Variants in RPP30 observed in about 807,000 individuals in gnomAD.
RPP30 encodes ribonuclease P/MRP subunit p30.
In RPP30, 36 loss-of-function variants were observed where a neutral mutation model predicts 38.6. That is an observed-to-expected ratio of 0.93 (90% CI 0.71 to 1.23). The LOEUF (loss-of-function observed/expected upper bound fraction) is 1.23, where lower values mean the gene tolerates loss of function less well. Ranked by LOEUF, RPP30 falls within the 50% of genes most tolerant of loss-of-function variation. The pLI is 0.00. For synonymous variants in RPP30, 126 were observed against 112.7 expected (o/e 1.12, Z -0.75); for missense variants, 321 against 321.7 (o/e 1.00, Z 0.02).
intron 6 of RPP30, among the ~76,000 whole-genome samples, chr10:90,888,658 GT>G (rs1337671732): frequency 8.5e-5 from 13 of 152,280 alleles, no homozygotes; most frequent in Non-Finnish European, 1.6e-4. Context: ...AAGTGGGGCA[GT>G]GGGGCAACAT....
chr10:90,875,520 G>A (rs1277842461), intron 2 of RPP30, 38 bp from the exon 3 acceptor site: 2 of 1,550,678 alleles, frequency 1.3e-6, no homozygotes, highest in Non-Finnish European at 1.8e-6. Context: ...TGCTATTAAT[G>A]GATACAATCT....
At chr10:90,903,949 C>T (rs1340604336), downstream of RPP30, among the ~76,000 whole-genome samples, 1 of 152,150 alleles carries the variant, frequency 6.6e-6, no homozygotes, top group Non-Finnish European at 1.5e-5. Context: ...TTGAATAAGA[C>T]AAATTGTAAA....
Position 90,873,275 on chromosome 10 carries a change from CCAG to C in RPP30, c.82+1208_82+1210del, listed in dbSNP as rs1293115133. Among the ~76,000 whole-genome samples the C allele has an allele frequency of 2.6e-5, 4 of 152,216 alleles. No homozygotes were observed. In the East Asian group the frequency reaches 7.7e-4, roughly 29 times the overall value. ...TAATGATTTCTTTAGAGAATTTCCC[CCAG>C]TTTAAAATACACTTGGAAGAGGTGT... On this transcript the variant is annotated intron_variant, in intron 1 of 10. Transcript: ENST00000371703.
intron 1 of RPP30, among the ~76,000 whole-genome samples, chr10:90,872,311 C>T (rs987154701): frequency 6.6e-6 from 1 of 152,128 alleles, no homozygotes; most frequent in Non-Finnish European, 1.5e-5. Context: ...CTAACGAGGG[C>T]GAGGGATTTG....
Position 90,874,891 on chromosome 10 carries a change from C to T in RPP30, c.105C>T (p.Ile35=), listed in dbSNP as rs748922039. Reference sequence around the variant, plus strand: ...CAGTTGGCTATTCAGTTGTTGCTATCAATCATATCGTTGACTTTAAGGAAA... The same window carrying T: ...CAGTTGGCTATTCAGTTGTTGCTATTAATCATATCGTTGACTTTAAGGAAA... ...AAHLGYSVVA[I]NHIVDFKEKK... is the part of the protein sequence containing the mutation. The change falls in exon 2 of 11, where the codon ATC becomes ATT. Residue 35 remains isoleucine (I), a synonymous_variant. Transcript: ENST00000371703. 6.3e-7 allele frequency: 1 copy of T among 1,596,210 alleles called. No homozygotes were observed. The highest frequency in any genetic ancestry group is 8.6e-7 in the Non-Finnish European group (1 of 1,168,798).
In RPP30 at chr10:90,901,702, A is replaced by G. The variant is rs1278509309; in HGVS notation, c.*1023A>G. The G allele has an allele frequency of 2.0e-6, 2 of 984,038 alleles. No homozygotes were observed. Among genetic ancestry groups the G allele is most frequent in the African/African-American group, 3.5e-5 (2 of 57,220 alleles). The allele number at this position is 984,038 out of a possible 1,614,324, so 61.0% of individuals were successfully genotyped here. A position where few individuals can be genotyped will look rare whatever the true frequency, so the allele number is the denominator to read the frequency against. ...AGTAGCTTTTTATGCAAATACATGC[A>G]TTTATGCAATATTAATGTAAGGGCT... On this transcript the variant is annotated 3_prime_UTR_variant, in exon 11 of 11. Coordinates refer to ENST00000371703, the MANE Select transcript of RPP30 (RefSeq NM_006413.5).
chr10:90,872,170 CAG>C (rs1156975719), intron 1 of RPP30, 102 bp downstream of exon 1: 5 of 1,009,722 alleles, frequency 5.0e-6, no homozygotes, highest in Non-Finnish European at 7.9e-6. Flanking sequence ...TCAGGTCTCC[CAG>C]AGTCTCTGGG....
rs1014763130 is a variant in RPP30 at position 90,874,772 on chromosome 10, GTCC to G, written c.83-92_83-90del. On this transcript the variant is annotated intron_variant, in intron 1 of 10. Coordinates refer to ENST00000371703, the MANE Select transcript of RPP30 (RefSeq NM_006413.5). ...TCACATTCATAACCACTCCTCAAAT[GTCC>G]TCCTACTCTTGACATCTAGACTCAG... 4.6e-5 allele frequency: 32 copies of G among 700,652 alleles called. No individual in the cohort carries two copies. In the African/African-American group the frequency reaches 4.9e-4, roughly 11 times the overall value. The allele number at this position is 700,652 out of a possible 1,614,324, so 43.4% of individuals were successfully genotyped here.
intron 4 of RPP30, among the ~76,000 whole-genome samples, chr10:90,878,022 G>T (rs1277168597): frequency 6.6e-6 from 1 of 152,212 alleles, no homozygotes; most frequent in Non-Finnish European, 1.5e-5. Flanking sequence ...TTACACACCT[G>T]CAAGGCAGCA....
intron 6 of RPP30, among the ~76,000 whole-genome samples, chr10:90,891,403 G>T (rs1211507774): frequency 6.6e-6 from 1 of 152,174 alleles, no homozygotes; most frequent in Non-Finnish European, 1.5e-5. Context: ...ATTCCAATCT[G>T]ACTTCATCTT....
intron 5 of RPP30, among the ~76,000 whole-genome samples, chr10:90,880,699 AAC>A (rs1846917153): frequency 6.6e-6 from 1 of 152,192 alleles, no homozygotes; most frequent in Non-Finnish European, 1.5e-5. Context: ...CAGCCTGGGC[AAC>A]AGAGTAAGAC....
intron 5 of RPP30, among the ~76,000 whole-genome samples, chr10:90,883,287 G>T (rs1846956479): frequency 2.0e-5 from 2 of 100,274 alleles, no homozygotes. Flanking sequence ...GGAGTCTCTG[G>T]CCAAAAAAAA....
chr10:90,877,801 C>A (rs1255869920), intron 4 of RPP30, among the ~76,000 whole-genome samples: 1 of 152,148 alleles, frequency 6.6e-6, no homozygotes, highest in East Asian at 1.9e-4. Flanking sequence ...TAAGAATCTG[C>A]TGCATAAAGA....
chr10:90,893,154 A>G (rs111694689), intron 6 of RPP30, among the ~76,000 whole-genome samples: 205 of 152,340 alleles, frequency 1.3e-3, no homozygotes, highest in African/African-American at 4.6e-3. Context: ...ATATAGGAAA[A>G]TCTAAAATAA....
intron 7 of RPP30, chr10:90,895,104 C>T (rs923519305): frequency 1.7e-6 from 1 of 595,728 alleles, no homozygotes; most frequent in Non-Finnish European, 3.0e-6. Flanking sequence ...TGTTGGAAGC[C>T]ATATCTTTTG....
chr10:90,876,528 A>T (rs1846854447), intron 4 of RPP30, among the ~76,000 whole-genome samples: 1 of 152,198 alleles, frequency 6.6e-6, no homozygotes, highest in African/African-American at 2.4e-5. Context: ...ATGTAACCTG[A>T]GTAAGTTGAT....
rs1308848570 is a variant in RPP30, at chr10:90,885,898, T to C, written c.429T>C (p.Asn143=). 1.3e-6 allele frequency: 2 copies of C among 1,568,626 alleles called. No individual in the cohort carries two copies. The highest frequency in any genetic ancestry group is 1.7e-6 in the Non-Finnish European group (2 of 1,142,952). The change falls in exon 6 of 11, where the codon AAT becomes AAC. Residue 143 remains asparagine (N), a synonymous_variant. Coordinates refer to ENST00000371703, the MANE Select transcript of RPP30 (RefSeq NM_006413.5). The part of the protein sequence containing the change: ...LPFYFKRPPI[N]VAIDRGLAFE... The stretch of plus-strand genomic sequence containing the variant: ...TTTACTTCAAAAGACCTCCTATTAA[T>C]GTGGTAAGTGTACTTTCCATTCTGT...
intron 6 of RPP30, among the ~76,000 whole-genome samples, chr10:90,890,791 A>T (rs1289060472): frequency 6.8e-6 from 1 of 147,868 alleles, no homozygotes; most frequent in African/African-American, 2.5e-5. Flanking sequence ...ACACATAAAG[A>T]CCAAAGAGTG....
At chr10:90,906,510 TGA>T (rs577929835), downstream of RPP30, among the ~76,000 whole-genome samples, 62 of 152,360 alleles carry the variant, frequency 4.1e-4, no homozygotes, top group African/African-American at 1.1e-3. Context: ...TATTTCATCC[TGA>T]GAGAAATGTG....
Sources: allele counts gnomAD v4.1 joint callset (sites outside exome capture counted in the v4.1 genomes callset), GRCh38; gene constraint gnomAD v4.1.1; transcripts MANE v1.5; gene names NCBI Gene and HGNC (gene_info 2026-07-23, HGNC 2026-07-21).